Variants in C2orf42 observed in about 807,000 individuals in gnomAD.
C2orf42 encodes the protein chromosome 2 open reading frame 42, also known as uncharacterized protein C2orf42.
Under a neutral mutation model 58.9 loss-of-function variants are expected in C2orf42, and 44 were observed. The ratio of observed to expected loss-of-function variants is 0.75; its 90% CI spans 0.59 to 0.96. The LOEUF (loss-of-function observed/expected upper bound fraction) is 0.96. Ranked by LOEUF, C2orf42 falls within the 40% of genes least tolerant of loss-of-function variation. The probability of loss-of-function intolerance (pLI) is 0.00; values close to 1 mark genes in which losing one functional copy is unlikely to be tolerated. For missense variants in C2orf42, 630 were observed against 699.2 expected, an observed-to-expected ratio of 0.90 and a Z score of 1.12; for synonymous variants, 239 against 265.4, an observed-to-expected ratio of 0.90 and a Z score of 0.97.
chr2:70,163,206 A>C, intron 8 of C2orf42, among the ~76,000 whole-genome samples: 1 of 150,494 alleles, frequency 6.6e-6, no homozygotes, highest in Admixed American at 6.7e-5. Flanking sequence ...AGGAAAAAAA[A>C]CTCCATCTCA....
At chr2:70,161,796 CAT>C (rs1274419325) in intron 8 of C2orf42, among the ~76,000 whole-genome samples, 1 of 143,114 alleles carries the variant, frequency 7.0e-6, no homozygotes, top group African/African-American at 2.6e-5. Flanking sequence ...GCCAAGATCA[CAT>C]GATTGCACTC....
At chr2:70,160,497 C>T (rs1415631425) in intron 9 of C2orf42, 128 bp downstream of exon 9, 3 of 621,660 alleles carry the variant, frequency 4.8e-6, no homozygotes, top group East Asian at 5.9e-5. Context: ...CCTTATCCCA[C>T]GATTGCCTTT....
chr2:70,153,365 CTTTTT>C (rs1179352686), intron 9 of C2orf42, among the ~76,000 whole-genome samples: 1 of 131,956 alleles, frequency 7.6e-6, no homozygotes, highest in African/African-American at 2.8e-5. Flanking sequence ...CTGGACAGAT[CTTTTT>C]TTTTTTTTTT....
intron 5 of C2orf42, among the ~76,000 whole-genome samples, chr2:70,173,028 T>C (rs1673933040): frequency 6.6e-6 from 1 of 152,012 alleles, no homozygotes; most frequent in East Asian, 1.9e-4. Context: ...AAGGGTATAG[T>C]GGCAAATGCT....
chr2:70,173,341 T>C (rs549791112), intron 5 of C2orf42, among the ~76,000 whole-genome samples: 1 of 149,082 alleles, frequency 6.7e-6, no homozygotes, highest in East Asian at 2.0e-4. Flanking sequence ...TAGCATGATC[T>C]TGGCTCACTG....
At chr2:70,189,553 T>G (rs1230420149) in intron 1 of C2orf42, among the ~76,000 whole-genome samples, 1 of 137,880 alleles carries the variant, frequency 7.3e-6, no homozygotes, top group East Asian at 2.3e-4. Flanking sequence ...CTGTCTCTAC[T>G]AAAAATACAA....
intron 8 of C2orf42, among the ~76,000 whole-genome samples, chr2:70,164,875 ATAT>A (rs1673296979): frequency 6.6e-6 from 1 of 152,206 alleles, no homozygotes; most frequent in Non-Finnish European, 1.5e-5. Flanking sequence ...AAGGAAAAGT[ATAT>A]TCCAATTTAA....
chr2:70,160,960 C>T (rs1371883989), intron 8 of C2orf42, among the ~76,000 whole-genome samples, 173 bp from the exon 9 acceptor site: 5 of 152,092 alleles, frequency 3.3e-5, no homozygotes, highest in Admixed American at 6.6e-5. Flanking sequence ...GCCTTTTCTC[C>T]CTTACATCAT....
chr2:70,161,759 G>C (rs1673063084), intron 8 of C2orf42, among the ~76,000 whole-genome samples: 2 of 150,286 alleles, frequency 1.3e-5, no homozygotes, highest in South Asian at 4.2e-4. Flanking sequence ...AGAATCGCTT[G>C]AACCTGGGAG....
Position 70,152,068 on chromosome 2 carries a change from C to T in C2orf42, c.1517-1504G>A, listed in dbSNP as rs139994041. On this transcript the variant is annotated intron_variant, in intron 9 of 9. Transcript: ENST00000264434. ...TGGGGATTACAGGCGTGAGCCACTG[C>T]GCCTGGCTTATATTTTACTTTTAAC... Among the ~76,000 whole-genome samples, 577 of 152,244 alleles carry T rather than the reference C, an allele frequency of 3.8e-3. 4 individuals carry two copies. Among genetic ancestry groups the T allele is most frequent in the African/African-American group, 0.013 (547 of 41,548 alleles).
chr2:70,163,023 A>G (rs1287274601), intron 8 of C2orf42, among the ~76,000 whole-genome samples: 1 of 151,366 alleles, frequency 6.6e-6, no homozygotes, highest in Non-Finnish European at 1.5e-5. Flanking sequence ...GCCTGCCACC[A>G]TGCCTGGATA....
At chr2:70,168,672 C>T (rs965814964) in intron 6 of C2orf42, among the ~76,000 whole-genome samples, 1 of 151,366 alleles carries the variant, frequency 6.6e-6, no homozygotes, top group African/African-American at 2.4e-5. Context: ...ACAAATAACA[C>T]CCAAATCCAG....
intron 9 of C2orf42, among the ~76,000 whole-genome samples, chr2:70,155,139 G>A (rs1020721813): frequency 2.0e-5 from 3 of 152,052 alleles, no homozygotes; most frequent in African/African-American, 4.8e-5. Flanking sequence ...AGCTACTAAG[G>A]AGGCTGAGGC....
chr2:70,159,243 A>C (rs1040804767), intron 9 of C2orf42, among the ~76,000 whole-genome samples: 3 of 152,136 alleles, frequency 2.0e-5, no homozygotes, highest in Non-Finnish European at 4.4e-5. Flanking sequence ...AGAAAATATT[A>C]GGAAAATTTT....
At chr2:70,151,411 G>A (rs770638541) in intron 9 of C2orf42, among the ~76,000 whole-genome samples, 13 of 152,086 alleles carry the variant, frequency 8.5e-5, no homozygotes, top group African/African-American at 2.9e-4. Flanking sequence ...TGAGGTGGGC[G>A]GATCACTTGA....
chr2:70,161,114 G>A (rs1287583489), intron 8 of C2orf42, among the ~76,000 whole-genome samples: 1 of 152,032 alleles, frequency 6.6e-6, no homozygotes, highest in Non-Finnish European at 1.5e-5. Context: ...TTCCCCTACT[G>A]CTCTGCTAGC....
intron 9 of C2orf42, among the ~76,000 whole-genome samples, chr2:70,151,871 C>CTCCT (rs953809978): frequency 2.0e-5 from 3 of 151,920 alleles, no homozygotes; most frequent in African/African-American, 4.8e-5. Flanking sequence ...CAACCTCCAC[C>CTCCT]TCCTGGGTTC....
At chr2:70,160,339 A>G (rs1672973839) in intron 9 of C2orf42, among the ~76,000 whole-genome samples, 1 of 151,920 alleles carries the variant, frequency 6.6e-6, no homozygotes, top group Admixed American at 6.6e-5. Context: ...ACTGGGTTTC[A>G]CCATGTTGGC....
chr2:70,168,417 A>G (rs1386273130), intron 6 of C2orf42, among the ~76,000 whole-genome samples: 1 of 149,458 alleles, frequency 6.7e-6, no homozygotes, highest in Non-Finnish European at 1.5e-5. Flanking sequence ...CCTCCCGAGT[A>G]GCTGGGACTA....
Sources: allele counts gnomAD v4.1 joint callset (sites outside exome capture counted in the v4.1 genomes callset), GRCh38; gene constraint gnomAD v4.1.1; transcripts MANE v1.5; gene names NCBI Gene and HGNC (gene_info 2026-07-23, HGNC 2026-07-21).